SNX29: variants seen among roughly 807,000 people sequenced by gnomAD.
SNX29 encodes sorting nexin-29.
Under a neutral mutation model 102.1 loss-of-function variants are expected in SNX29, and 78 were observed. The ratio of observed to expected loss-of-function variants is 0.76; its 90% CI spans 0.64 to 0.92. SNX29 has a LOEUF of 0.92. SNX29 is among the 40% of genes least tolerant of loss of function. SNX29 has a pLI of 0.00. For missense variants in SNX29, 1,280 were observed against 1,061.7 expected (o/e 1.21, Z -2.86); for synonymous variants, 580 against 414.5 (o/e 1.40, Z -4.85).
chr16:12,211,908 G>T (rs1220600104), intron 14 of SNX29, among the ~76,000 whole-genome samples: 1 of 152,088 alleles, frequency 6.6e-6, no homozygotes, highest in African/African-American at 2.4e-5. Context: ...GACTGGTGTT[G>T]GGTGAAATAT....
chr16:12,432,084 C>T (rs539536754), intron 18 of SNX29, among the ~76,000 whole-genome samples: 3 of 152,264 alleles, frequency 2.0e-5, no homozygotes, highest in African/African-American at 7.2e-5. Flanking sequence ...GAAATAAGAC[C>T]TGGTGATGGT....
intron 14 of SNX29, among the ~76,000 whole-genome samples, chr16:12,207,639 A>T (rs1339178741): frequency 6.6e-6 from 1 of 152,056 alleles, no homozygotes; most frequent in Admixed American, 6.5e-5. Flanking sequence ...CTCTTGGCTC[A>T]TCCAGTCTCC....
At chr16:12,161,379 G>A (rs2055778313) in intron 13 of SNX29, among the ~76,000 whole-genome samples, 1 of 152,182 alleles carries the variant, frequency 6.6e-6, no homozygotes, top group East Asian at 1.9e-4. Context: ...TGGTCACTGG[G>A]AAGCTCTGCC....
chr16:12,229,028 A>G (rs1158428612), intron 14 of SNX29, among the ~76,000 whole-genome samples: 1 of 152,162 alleles, frequency 6.6e-6, no homozygotes, highest in Non-Finnish European at 1.5e-5. Context: ...GCTTGCCCTC[A>G]TTCCTTCACA....
At chr16:12,485,889 A>G (rs2088205178) in intron 19 of SNX29, among the ~76,000 whole-genome samples, 1 of 152,224 alleles carries the variant, frequency 6.6e-6, no homozygotes, top group Non-Finnish European at 1.5e-5. Context: ...CAGGGCTCCC[A>G]GCCAGAAATC....
chr16:12,462,808 T>A (rs945169247), intron 18 of SNX29, among the ~76,000 whole-genome samples: 1 of 152,160 alleles, frequency 6.6e-6, no homozygotes, highest in Non-Finnish European at 1.5e-5. Flanking sequence ...ATGCAGAATA[T>A]CAGTGCCGCA....
intron 3 of SNX29, among the ~76,000 whole-genome samples, chr16:12,009,747 T>C (rs1244280932): frequency 6.6e-6 from 1 of 152,204 alleles, no homozygotes; most frequent in African/African-American, 2.4e-5. Flanking sequence ...ATTGAAATTA[T>C]TCCATGTTCT....
intron 19 of SNX29, among the ~76,000 whole-genome samples, chr16:12,517,773 G>T (rs1392006829): frequency 6.6e-6 from 1 of 152,110 alleles, no homozygotes; most frequent in Non-Finnish European, 1.5e-5. Flanking sequence ...AGCAACGAGT[G>T]CTTTGAAGAA....
chr16:12,064,880 C>G (rs1030693965), intron 9 of SNX29, among the ~76,000 whole-genome samples: 7 of 152,230 alleles, frequency 4.6e-5, no homozygotes, highest in African/African-American at 1.4e-4. Context: ...CTGACATTCC[C>G]TCTCATTCTG....
intron 20 of SNX29, among the ~76,000 whole-genome samples, chr16:12,556,081 T>A (rs908439920): frequency 2.6e-5 from 4 of 152,180 alleles, no homozygotes; most frequent in African/African-American, 9.7e-5. Context: ...TCTTATAGAA[T>A]TAATTTCTGC....
At chr16:12,415,069 A>T (rs575813725) in intron 18 of SNX29, among the ~76,000 whole-genome samples, 1 of 152,364 alleles carries the variant, frequency 6.6e-6, no homozygotes, top group East Asian at 1.9e-4. Context: ...CTAGGGGCTA[A>T]GGGCTCCATG....
At chr16:11,998,036 C>A (rs1178702332) in intron 1 of SNX29, among the ~76,000 whole-genome samples, 4 of 152,146 alleles carry the variant, frequency 2.6e-5, no homozygotes, top group Non-Finnish European at 5.9e-5. Context: ...ATGTAGGATG[C>A]GCCCAGCACA....
At chr16:12,518,890 G>A (rs1178850945) in intron 19 of SNX29, among the ~76,000 whole-genome samples, 2 of 152,234 alleles carry the variant, frequency 1.3e-5, no homozygotes, top group African/African-American at 4.8e-5. Context: ...CAGCCTCAGG[G>A]AATGTCACCT....
chr16:12,220,268 G>C (rs917805326), intron 14 of SNX29, among the ~76,000 whole-genome samples: 1 of 141,228 alleles, frequency 7.1e-6, no homozygotes, highest in Non-Finnish European at 1.5e-5. Flanking sequence ...TCTGCTTCCA[G>C]TGTAGGCTTA....
chr16:11,980,323 A>G (rs766705794), intron 1 of SNX29, among the ~76,000 whole-genome samples: 3 of 152,344 alleles, frequency 2.0e-5, no homozygotes, highest in Middle Eastern at 3.4e-3. Context: ...GTTAAACCAC[A>G]TTACAGCATA....
rs902396496 is a variant in SNX29 at position 12,568,954 on chromosome 16, C to T, written c.*325C>T. ...GCTGGCAGGAGGGTGGGCACCAGGTCAGGCTGGGTGCGCCATGGTTGAGAG... is the reference window on the plus strand; with the variant it reads ...GCTGGCAGGAGGGTGGGCACCAGGTTAGGCTGGGTGCGCCATGGTTGAGAG... On this transcript the variant is annotated 3_prime_UTR_variant, in exon 21 of 21. Transcript: ENST00000566228. The T allele has an allele frequency of 1.5e-5, 6 of 387,556 alleles. No individual in the cohort carries two copies. Among genetic ancestry groups the T allele is most frequent in the Non-Finnish European group, 1.9e-5 (4 of 215,014 alleles). 24.0% of individuals were successfully genotyped at this position (387,556 alleles called of 1,614,324 possible).
chr16:12,180,230 C>T (rs2076351599), intron 13 of SNX29, among the ~76,000 whole-genome samples: 1 of 151,760 alleles, frequency 6.6e-6, no homozygotes, highest in Non-Finnish European at 1.5e-5. Context: ...TCTAGGTGTT[C>T]CTTCTAGGTT....
At chr16:12,431,706 T>C (rs1217550975) in intron 18 of SNX29, among the ~76,000 whole-genome samples, 1 of 152,224 alleles carries the variant, frequency 6.6e-6, no homozygotes, top group African/African-American at 2.4e-5. Flanking sequence ...AAACTTCTGC[T>C]TCAGAGTGTC....
intron 20 of SNX29, chr16:12,556,612 T>C (rs1180785055): frequency 1.3e-5 from 2 of 151,926 alleles, no homozygotes; most frequent in African/African-American, 4.8e-5. Flanking sequence ...TGAGGAAGGG[T>C]CAAGGCAAGA....
Sources: allele counts gnomAD v4.1 joint callset (sites outside exome capture counted in the v4.1 genomes callset), GRCh38; gene constraint gnomAD v4.1.1; transcripts MANE v1.5; gene names NCBI Gene and HGNC (gene_info 2026-07-23, HGNC 2026-07-21).